The following ANKS1B variants were observed in gnomAD, a reference collection of about 807,000 sequenced individuals.
The protein encoded by ANKS1B is ankyrin repeat and sterile alpha motif domain containing 1B, also known as ankyrin repeat and sterile alpha motif domain-containing protein 1B.
A neutral mutation model predicts 148.3 loss-of-function variants in ANKS1B; 36 were observed. That is an observed-to-expected ratio of 0.24 (90% CI 0.19 to 0.32). The LOEUF (loss-of-function observed/expected upper bound fraction) is 0.32, where lower values mean the gene tolerates loss of function less well. ANKS1B is among the 10% of genes least tolerant of loss of function. The pLI, the probability that ANKS1B is intolerant of heterozygous loss-of-function variation, is 1.00. For missense variants in ANKS1B, 1,157 were observed against 1,542.6 expected (o/e 0.75, Z 4.19); for synonymous variants, 542 against 560.8 (o/e 0.97, Z 0.47).
At chr12:99,279,578 G>T (rs2078124455) in intron 12 of ANKS1B, among the ~76,000 whole-genome samples, 1 of 152,132 alleles carries the variant, frequency 6.6e-6, no homozygotes, top group Admixed American at 6.6e-5. Context: ...GGGTGGGGTG[G>T]GGGGAGGTTG....
chr12:99,341,565 C>T (rs1426661383), intron 12 of ANKS1B, among the ~76,000 whole-genome samples: 1 of 152,090 alleles, frequency 6.6e-6, no homozygotes, highest in African/African-American at 2.4e-5. Flanking sequence ...TAAATTTGCT[C>T]AGTAGAACCA....
At chr12:99,299,977 C>T (rs1419903141) in intron 12 of ANKS1B, among the ~76,000 whole-genome samples, 1 of 152,090 alleles carries the variant, frequency 6.6e-6, no homozygotes. Context: ...AGTTTGCCTT[C>T]ATGGTCAATA....
rs144410966 is a variant in ANKS1B, at chr12:99,689,960, G to A, written c.1129-34750C>T. ...TGCTATCAAGAAATACCCAAGAATC[G>A]ATAATTTATAAAGGAAAGAGGTTTA... is the stretch of plus-strand genomic sequence containing the variant. On this transcript the variant is annotated intron_variant, in intron 8 of 26. Transcript: ENST00000683438. Among the ~76,000 whole-genome samples the A allele has an allele frequency of 2.6e-4, 39 of 152,216 alleles. No individual in the cohort carries two copies. In the East Asian group the frequency reaches 5.8e-3, roughly 23 times the overall value.
chr12:99,608,392 G>A (rs1280166464), intron 9 of ANKS1B, among the ~76,000 whole-genome samples: 1 of 152,038 alleles, frequency 6.6e-6, no homozygotes, highest in African/African-American at 2.4e-5. Flanking sequence ...TCTCTTATGT[G>A]AGGGCACAAG....
intron 15 of ANKS1B, among the ~76,000 whole-genome samples, chr12:99,109,055 T>C: frequency 6.6e-6 from 1 of 152,148 alleles, no homozygotes; most frequent in East Asian, 1.9e-4. Flanking sequence ...TGATGGTCCA[T>C]CTTCAGCTTC....
At chr12:99,176,647 T>C (rs1003504218) in intron 14 of ANKS1B, among the ~76,000 whole-genome samples, 2 of 152,156 alleles carry the variant, frequency 1.3e-5, no homozygotes, top group African/African-American at 4.8e-5. Flanking sequence ...TGGGGGCAGA[T>C]CCCTCATGAA....
intron 23 of ANKS1B, 55 bp from the exon 24 acceptor site, chr12:98,781,258 G>A: frequency 9.2e-7 from 1 of 1,090,866 alleles, no homozygotes; most frequent in Non-Finnish European, 1.4e-6. Flanking sequence ...GGCAACTGAA[G>A]CACACAATTT....
chr12:99,012,887 C>T (rs1265891141), intron 17 of ANKS1B, among the ~76,000 whole-genome samples: 2 of 152,194 alleles, frequency 1.3e-5, no homozygotes, highest in Admixed American at 6.5e-5. Flanking sequence ...CTGTCTACCA[C>T]AAAGAGCCCC....
chr12:99,532,254 A>G (rs1471689582), intron 9 of ANKS1B, among the ~76,000 whole-genome samples: 2 of 152,202 alleles, frequency 1.3e-5, no homozygotes, highest in African/African-American at 2.4e-5. Context: ...TCTGTGCCCT[A>G]AATTATTTGC....
chr12:99,576,621 C>G (rs527447383), intron 9 of ANKS1B, among the ~76,000 whole-genome samples: 263 of 152,206 alleles, frequency 1.7e-3, no homozygotes, highest in African/African-American at 6.2e-3. Flanking sequence ...AAACAAGCTG[C>G]TTCTGAATGA....
chr12:98,926,943 A>G (rs1055351902), intron 17 of ANKS1B, among the ~76,000 whole-genome samples: 1 of 152,144 alleles, frequency 6.6e-6, no homozygotes, highest in African/African-American at 2.4e-5. Flanking sequence ...AAAGGGGATG[A>G]AGAATATTTG....
At chr12:99,032,100 C>A (rs978555430) in intron 17 of ANKS1B, among the ~76,000 whole-genome samples, 4 of 152,176 alleles carry the variant, frequency 2.6e-5, no homozygotes, top group Non-Finnish European at 5.9e-5. Flanking sequence ...TGGAGGGAAG[C>A]CATCGTGCCC....
chr12:99,028,178 GC>G (rs1330912224), intron 17 of ANKS1B, among the ~76,000 whole-genome samples: 1 of 152,136 alleles, frequency 6.6e-6, no homozygotes, highest in Non-Finnish European at 1.5e-5. Context: ...AGAATGATTT[GC>G]ACACAACAAA....
At chr12:99,016,482 C>T (rs2099942609) in intron 17 of ANKS1B, among the ~76,000 whole-genome samples, 1 of 152,104 alleles carries the variant, frequency 6.6e-6, no homozygotes, top group Non-Finnish European at 1.5e-5. Flanking sequence ...ATGGCGAAAC[C>T]CTGCCTCTAC....
chr12:98,782,071 C>T (rs932936473), intron 23 of ANKS1B, 55 bp downstream of exon 23: 2 of 1,470,904 alleles, frequency 1.4e-6, no homozygotes, highest in Non-Finnish European at 1.9e-6. Flanking sequence ...CAGTTTACTT[C>T]ATTGCCCTCT....
intron 8 of ANKS1B, among the ~76,000 whole-genome samples, chr12:99,746,273 AAAT>A (rs1341912700): frequency 2.0e-5 from 3 of 152,226 alleles, no homozygotes; most frequent in Non-Finnish European, 4.4e-5. Flanking sequence ...ACAATTAAGG[AAAT>A]AATTCAGTGT....
At chr12:99,501,065 T>C (rs899031850) in intron 10 of ANKS1B, among the ~76,000 whole-genome samples, 2 of 151,178 alleles carry the variant, frequency 1.3e-5, no homozygotes, top group Non-Finnish European at 2.9e-5. Flanking sequence ...GTGTAAGTAA[T>C]TGGAATTTTT....
chr12:99,126,522 C>G (rs761571072), intron 15 of ANKS1B, among the ~76,000 whole-genome samples: 1 of 152,078 alleles, frequency 6.6e-6, no homozygotes, highest in African/African-American at 2.4e-5. Context: ...TTACCCTGCT[C>G]TGAATCACTG....
At chr12:98,946,032 G>A (rs754144303) in intron 17 of ANKS1B, among the ~76,000 whole-genome samples, 2 of 152,208 alleles carry the variant, frequency 1.3e-5, no homozygotes, top group Non-Finnish European at 2.9e-5. Flanking sequence ...GGTCGATCTT[G>A]TAGTCAAGCC....
Sources: allele counts gnomAD v4.1 joint callset (sites outside exome capture counted in the v4.1 genomes callset), GRCh38; gene constraint gnomAD v4.1.1; transcripts MANE v1.5; gene names NCBI Gene and HGNC (gene_info 2026-07-23, HGNC 2026-07-21).